The following MAPK4 variants were observed in gnomAD, a reference collection of about 807,000 sequenced individuals.
MAPK4 encodes mitogen-activated protein kinase 4, also known as Erk3-related.
MAPK4 carries 22 observed loss-of-function variants against 47.7 expected under a neutral mutation model. The observed-to-expected ratio is 0.46, with a 90% CI of 0.33 to 0.66. The LOEUF (loss-of-function observed/expected upper bound fraction) is 0.66. Ranked by LOEUF, MAPK4 falls within the 30% of genes least tolerant of loss-of-function variation. MAPK4 has a pLI of 0.02. For synonymous variants in MAPK4, 390 were observed against 365.7 expected, an observed-to-expected ratio of 1.07 and a Z score of -0.76; for missense variants, 736 against 831.7, an observed-to-expected ratio of 0.88 and a Z score of 1.42.
At chr18:50,623,439 A>G (rs1233229176) in intron 1 of MAPK4, among the ~76,000 whole-genome samples, 1 of 152,236 alleles carries the variant, frequency 6.6e-6, no homozygotes, top group African/African-American at 2.4e-5. Context: ...CACCCAGTCC[A>G]GCAAAATAAT....
At chr18:50,696,160 T>C (rs980668612) in intron 2 of MAPK4, among the ~76,000 whole-genome samples, 4 of 151,826 alleles carry the variant, frequency 2.6e-5, no homozygotes, top group Non-Finnish European at 4.4e-5. Flanking sequence ...TACCCTGTGC[T>C]GGAGCTCCCA....
intron 1 of MAPK4, among the ~76,000 whole-genome samples, chr18:50,588,444 C>T (rs1568036313): frequency 6.6e-6 from 1 of 152,202 alleles, no homozygotes; most frequent in Non-Finnish European, 1.5e-5. Flanking sequence ...TTTCTTAAGA[C>T]CCTGGGCTCA....
intron 1 of MAPK4, among the ~76,000 whole-genome samples, chr18:50,652,424 G>T (rs181064734): frequency 1.2e-4 from 19 of 152,248 alleles, no homozygotes; most frequent in Non-Finnish European, 2.2e-4. Flanking sequence ...GATGCACCTG[G>T]GTAAGAGGCA....
intron 2 of MAPK4, among the ~76,000 whole-genome samples, chr18:50,689,368 C>G (rs532558747): frequency 2.0e-5 from 3 of 150,096 alleles, no homozygotes; most frequent in African/African-American, 7.4e-5. Context: ...GCCATTGCAC[C>G]CCAGCCTGGG....
intron 1 of MAPK4, among the ~76,000 whole-genome samples, chr18:50,577,370 A>T (rs1029723353): frequency 6.6e-6 from 1 of 152,120 alleles, no homozygotes; most frequent in Non-Finnish European, 1.5e-5. Flanking sequence ...GGGTCCAGAC[A>T]TCAGTTTTAT....
At chr18:50,567,826 TAAAA>T (rs561594105) in intron 1 of MAPK4, among the ~76,000 whole-genome samples, 3 of 146,544 alleles carry the variant, frequency 2.0e-5, no homozygotes, top group African/African-American at 5.0e-5. Context: ...AGTGTTTTTT[TAAAA>T]AAAAAAAATG....
intron 1 of MAPK4, among the ~76,000 whole-genome samples, chr18:50,636,467 C>G (rs188383805): frequency 6.6e-6 from 1 of 152,300 alleles, no homozygotes; most frequent in East Asian, 1.9e-4. Flanking sequence ...TAGTTCCAAA[C>G]CTCTTTAGTC....
At chr18:50,575,306 C>T (rs929543391) in intron 1 of MAPK4, among the ~76,000 whole-genome samples, 2 of 152,084 alleles carry the variant, frequency 1.3e-5, no homozygotes, top group Non-Finnish European at 2.9e-5. Flanking sequence ...CTTGGATTTC[C>T]AAAACTGTGA....
chr18:50,589,083 C>T (rs1172249546), intron 1 of MAPK4, among the ~76,000 whole-genome samples: 2 of 152,160 alleles, frequency 1.3e-5, no homozygotes, highest in African/African-American at 4.8e-5. Context: ...ATAGCAAGTT[C>T]AATCCAAGGT....
At chr18:50,636,680 C>A (rs535185860) in intron 1 of MAPK4, among the ~76,000 whole-genome samples, 27 of 152,320 alleles carry the variant, frequency 1.8e-4, no homozygotes, top group African/African-American at 6.5e-4. Flanking sequence ...TCTATGGGAA[C>A]CTTTCAATGT....
intron 1 of MAPK4, among the ~76,000 whole-genome samples, chr18:50,587,550 C>A (rs2042399467): frequency 1.3e-5 from 2 of 152,168 alleles, no homozygotes; most frequent in Admixed American, 1.3e-4. Flanking sequence ...TCCTAGGTCT[C>A]CACCACCAGT....
intron 3 of MAPK4, among the ~76,000 whole-genome samples, chr18:50,719,570 G>T (rs1910823455): frequency 6.6e-6 from 1 of 152,152 alleles, no homozygotes. Context: ...AACCCTGGAT[G>T]GCTCAACATC....
intron 1 of MAPK4, among the ~76,000 whole-genome samples, chr18:50,617,072 G>C: frequency 6.6e-6 from 1 of 152,180 alleles, no homozygotes; most frequent in Non-Finnish European, 1.5e-5. Flanking sequence ...CCAGCTTTTG[G>C]CTGTAAGGCT....
chr18:50,648,269 C>A (rs2144200603), intron 1 of MAPK4, among the ~76,000 whole-genome samples: 1 of 152,180 alleles, frequency 6.6e-6, no homozygotes, highest in South Asian at 2.1e-4. Context: ...GTGTCACAAG[C>A]AGGTGGACCT....
Position 50,730,112 on chromosome 18 carries a change from G to A in MAPK4, c.*258G>A. On this transcript the variant is annotated 3_prime_UTR_variant, in exon 6 of 6. Transcript: ENST00000400384. Reference sequence around the variant, plus strand: ...TAGCAAAGGGGAGACCACATGTGGTGCACAGGGAAGAAACGGCTTTAGACA... The same window carrying A: ...TAGCAAAGGGGAGACCACATGTGGTACACAGGGAAGAAACGGCTTTAGACA... The A allele has an allele frequency of 2.7e-6, 1 of 365,140 alleles. No individual in the cohort carries two copies. Among genetic ancestry groups the A allele is most frequent in the South Asian group, 1.1e-4 (1 of 9,208 alleles). 22.6% of individuals were successfully genotyped at this position (365,140 alleles called of 1,614,324 possible). A position where few individuals can be genotyped will look rare whatever the true frequency, so the allele number is the denominator to read the frequency against.
chr18:50,670,522 C>T (rs894236777), intron 2 of MAPK4, among the ~76,000 whole-genome samples: 70 of 152,188 alleles, frequency 4.6e-4, no homozygotes, highest in African/African-American at 1.5e-3. Context: ...TCTGGGAAGC[C>T]GAGGTGGGCA....
At chr18:50,633,858 C>A (rs550122051) in intron 1 of MAPK4, among the ~76,000 whole-genome samples, 66 of 152,236 alleles carry the variant, frequency 4.3e-4, no homozygotes, top group African/African-American at 1.5e-3. Flanking sequence ...GATTTTCTGT[C>A]AGCTGGCCAA....
rs758963755 is a variant in MAPK4, at chr18:50,664,123, T to C, written c.165T>C (p.Asp55=). The C allele has an allele frequency of 1.5e-5, 25 of 1,614,048 alleles. No individual in the cohort carries two copies. The African/African-American group carries it at 3.2e-4, about 21-fold the overall frequency. The change falls in exon 2 of 6, where the codon GAT becomes GAC. Residue 55 remains aspartate (D), a synonymous_variant. Transcript: ENST00000400384. This position sits in a 1 kb window ranked among gnomAD's most constrained non-coding sequence, Gnocchi z 6.0. ...KVAVKKIALS[D]ARSMKHALRE... is the part of the protein sequence containing the mutation. The stretch of plus-strand genomic sequence containing the variant: ...CTGTGAAGAAGATTGCCCTGAGCGA[T>C]GCCCGCAGCATGAAGCACGCGCTCC...
chr18:50,636,148 T>C (rs1273029005), intron 1 of MAPK4, among the ~76,000 whole-genome samples: 1 of 152,242 alleles, frequency 6.6e-6, no homozygotes, highest in Non-Finnish European at 1.5e-5. Flanking sequence ...TTTCTGCTTA[T>C]TCTTCAGTTC....
Sources: gnomAD v4.1 joint callset for allele counts (sites outside exome capture counted in the v4.1 genomes callset) on GRCh38, gnomAD v4.1.1 for gene constraint, Gnocchi (gnomAD v3.1) non-coding constraint, MANE v1.5 for transcripts, NCBI Gene and HGNC (gene_info 2026-07-23, HGNC 2026-07-21) for gene names.